Variants in CCDC159 observed in about 807,000 individuals in gnomAD.
CCDC159 encodes coiled-coil domain-containing protein 159.
In CCDC159, 40 loss-of-function variants were observed where a neutral mutation model predicts 50.9. The observed-to-expected ratio is 0.79, with a 90% CI of 0.61 to 1.02. The LOEUF (loss-of-function observed/expected upper bound fraction) is 1.02. Ranked by LOEUF, CCDC159 falls within the 50% of genes least tolerant of loss-of-function variation. The pLI is 0.00. For missense variants in CCDC159, 356 were observed against 371.5 expected, an observed-to-expected ratio of 0.96 and a Z score of 0.34; for synonymous variants, 146 against 138.9, an observed-to-expected ratio of 1.05 and a Z score of -0.36.
chr19:11,350,154 GAGA>G lies in CCDC159; in HGVS notation c.184_186del (p.Lys62del), dbSNP rs1159489806. 3.1e-6 allele frequency: 5 copies of G among 1,613,354 alleles called. No individual in the cohort carries two copies. Among genetic ancestry groups the G allele is most frequent in the Non-Finnish European group, 3.4e-6 (4 of 1,179,772 alleles). On this transcript the variant is annotated inframe_deletion, in exon 4 of 11. Transcript: ENST00000458408. ...CCTGAACCACTCAGTGACCATGTTG[GAGA>G]AGGAGAGCTGCTTGCAGCAAATCAA... is the stretch of plus-strand genomic sequence containing the variant.
At chr19:11,348,209 C>G in intron 1 of CCDC159, 1 of 449,274 alleles carries the variant, frequency 2.2e-6, no homozygotes, top group Non-Finnish European at 4.4e-6. Flanking sequence ...TCTTCTGAGG[C>G]CTGATTTTTT....
In CCDC159 at chr19:11,354,630, G is replaced by A. The variant is rs1213873568; in HGVS notation, c.823G>A (p.Asp275Asn). ...CCCTCCACTCCCCTCCTGGGACTCT[G>A]ACTCCGACTGTGACCAGGACCTCTC... ...LSPPLPSWDS[D>N]SDCDQDLSQP... The change falls in exon 10 of 11, where the codon GAC becomes AAC. Residue 275 changes from aspartate to asparagine, a missense_variant. Transcript: ENST00000458408. 35 of 1,604,466 alleles carry A rather than the reference G, an allele frequency of 2.2e-5. No individual in the cohort carries two copies. Among genetic ancestry groups the A allele is most frequent in the Non-Finnish European group, 3.0e-5 (35 of 1,175,554 alleles).
At chr19:11,353,754 G>A (rs1267770723) in intron 8 of CCDC159, 38 bp from the exon 9 acceptor site, 1 of 1,563,024 alleles carries the variant, frequency 6.4e-7, no homozygotes, top group Non-Finnish European at 8.7e-7. Context: ...GAGCAGTGTG[G>A]AGTCTCCCAG....
intron 5 of CCDC159, chr19:11,351,634 G>C: frequency 2.7e-6 from 1 of 376,562 alleles, no homozygotes; most frequent in Non-Finnish European, 4.9e-6. Context: ...CAGGAGACTG[G>C]GGGTATAGAA....
chr19:11,353,650 G>C, intron 8 of CCDC159, 78 bp downstream of exon 8: 1 of 1,597,254 alleles, frequency 6.3e-7, no homozygotes, highest in Non-Finnish European at 8.5e-7. Context: ...GTGACCACCA[G>C]AACCTGGAGC....
intron 5 of CCDC159, 106 bp downstream of exon 5, chr19:11,351,109 G>A (rs1361527058): frequency 8.8e-7 from 1 of 1,133,580 alleles, no homozygotes; most frequent in Non-Finnish European, 1.2e-6. Flanking sequence ...TGGGGGAGGG[G>A]GACTGAGGGA....
intron 1 of CCDC159, among the ~76,000 whole-genome samples, chr19:11,346,958 A>G (rs941988112): frequency 2.6e-5 from 4 of 152,230 alleles, no homozygotes; most frequent in African/African-American, 9.6e-5. Flanking sequence ...ACATCCCAGT[A>G]AGGTGACTAT....
intron 4 of CCDC159, 108 bp from the exon 5 acceptor site, chr19:11,350,700 C>T: frequency 8.8e-7 from 1 of 1,130,694 alleles, no homozygotes; most frequent in Non-Finnish European, 1.2e-6. Flanking sequence ...TCAGCTGGGC[C>T]AGGCCAGGGT....
rs1433105218 is a variant in CCDC159, at chr19:11,353,790, A to G, written c.690-2A>G. The G allele has an allele frequency of 1.3e-6, 2 of 1,593,716 alleles. No homozygotes were observed. The highest frequency in any genetic ancestry group is 1.7e-6 in the Non-Finnish European group (2 of 1,170,282). ...CGCCCCCAGCTCCTTGTCTTCTTGCAGGTCTGCTGTGCACGTGCTGCAGAA... is the reference window on the plus strand; with the variant it reads ...CGCCCCCAGCTCCTTGTCTTCTTGCGGGTCTGCTGTGCACGTGCTGCAGAA... On this transcript the variant is annotated splice_acceptor_variant, in intron 8 of 10. Coordinates refer to ENST00000458408, the MANE Select transcript of CCDC159 (RefSeq NM_001080503.3). LOFTEE classifies it high-confidence loss of function.
intron 5 of CCDC159, 148 bp from the exon 6 acceptor site, chr19:11,351,758 G>A: frequency 3.1e-6 from 2 of 640,472 alleles, no homozygotes; most frequent in Non-Finnish European, 2.7e-6. Flanking sequence ...GGGGATGAGG[G>A]TAGGGGGATT....
rs1284621980 is a variant in CCDC159 at position 11,354,678 on chromosome 19, G to A, written c.871G>A (p.Gly291Ser). Residue 291 changes from glycine (G) to serine (S), a missense_variant, in exon 10 of 11, where the codon GGC becomes AGC. Physicochemically the swap from Gly to Ser is moderately conservative, Grantham distance 56. Coordinates refer to ENST00000458408, the MANE Select transcript of CCDC159 (RefSeq NM_001080503.3). ...DLSQPPFSKS[G>S]RSFPPA ...CTCCCAGCCACCTTTCAGCAAGAGCGGCCGCTCCTTCCCACCCGGTGCAGA... is the reference window on the plus strand; with the variant it reads ...CTCCCAGCCACCTTTCAGCAAGAGCAGCCGCTCCTTCCCACCCGGTGCAGA... 4.4e-6 allele frequency: 7 copies of A among 1,607,088 alleles called. No individual in the cohort carries two copies. Among genetic ancestry groups the A allele is most frequent in the Admixed American group, 3.4e-5 (2 of 58,676 alleles).
At position 11,346,584 on chromosome 19, in the gene CCDC159, G is replaced by T. The variant is rs1463018904; in HGVS notation, c.-23G>T. The T allele has an allele frequency of 1.3e-6, 2 of 1,551,614 alleles. No individual in the cohort carries two copies. The highest frequency in any genetic ancestry group is 2.4e-5 in the South Asian group (2 of 84,052). On this transcript the variant is annotated 5_prime_UTR_variant, in exon 1 of 11. Transcript: ENST00000458408. ...GGGATCAAACTTCAGCGTCACAGCT[G>T]AGGACTGGCTTCGTGGTCCCTGATG...
intron 5 of CCDC159, chr19:11,351,688 A>C: frequency 2.2e-6 from 1 of 458,648 alleles, no homozygotes; most frequent in Non-Finnish European, 3.9e-6. Context: ...AGGTGATAGG[A>C]GGCTGAGTGG....
chr19:11,348,590 C>T (rs915878016), intron 1 of CCDC159, among the ~76,000 whole-genome samples: 1 of 152,270 alleles, frequency 6.6e-6, no homozygotes, highest in South Asian at 2.1e-4. Flanking sequence ...TTGCTGGCCG[C>T]GTCTGGCCTT....
At chr19:11,351,821 C>T (rs895652527) in intron 5 of CCDC159, 85 bp from the exon 6 acceptor site, 32 of 1,203,070 alleles carry the variant, frequency 2.7e-5, no homozygotes, top group African/African-American at 1.4e-4. Flanking sequence ...ACAGAGCTTG[C>T]GGGGATGGGT....
chr19:11,351,807 G>A (rs1407271514), intron 5 of CCDC159, 99 bp from the exon 6 acceptor site: 2 of 1,014,422 alleles, frequency 2.0e-6, no homozygotes, highest in East Asian at 2.6e-5. Flanking sequence ...AGTGTGGGGA[G>A]GGGACAGAGC....
At chr19:11,351,159 G>A (rs976520092) in intron 5 of CCDC159, 156 bp downstream of exon 5, 12 of 759,590 alleles carry the variant, frequency 1.6e-5, no homozygotes, top group Admixed American at 6.2e-5. Context: ...GAATGAGGCC[G>A]GGTGTGGTGG....
rs761704394 is a variant in CCDC159, at chr19:11,350,889, G to A, written c.308G>A (p.Gly103Glu). 3 of 1,552,536 alleles carry A rather than the reference G, an allele frequency of 1.9e-6. No individual in the cohort carries two copies. Among genetic ancestry groups the A allele is most frequent in the Middle Eastern group, 3.5e-4 (2 of 5,766 alleles). ...GAGCAGGGCCGGCAGGAGCTGTATG[G>A]GGCCCTGACCCAAGGCCTTCAGGGG... ...GMEQGRQELY[G>E]ALTQGLQGLE... Residue 103 changes from glycine (G) to glutamate (E), a missense_variant, in exon 5 of 11, where the codon GGG becomes GAG. By Grantham distance (98) the Gly-to-Glu change is moderately conservative. Coordinates refer to ENST00000458408, the MANE Select transcript of CCDC159 (RefSeq NM_001080503.3).
chr19:11,349,895 C>G, intron 2 of CCDC159, 43 bp from the exon 3 acceptor site: 1 of 1,590,052 alleles, frequency 6.3e-7, no homozygotes, highest in South Asian at 1.1e-5. Context: ...TGCCCCAGAC[C>G]CCACCCCTTA....
Sources: gnomAD v4.1 joint callset for allele counts (sites outside exome capture counted in the v4.1 genomes callset) on GRCh38, gnomAD v4.1.1 for gene constraint, MANE v1.5 for transcripts, NCBI Gene and HGNC (gene_info 2026-07-23, HGNC 2026-07-21) for gene names.